RERE: variants seen among roughly 807,000 people sequenced by gnomAD.
The protein encoded by RERE is arginine-glutamic acid dipeptide repeats protein.
Under a neutral mutation model 146.1 loss-of-function variants are expected in RERE, and 40 were observed. The observed-to-expected ratio is 0.27, with a 90% CI of 0.21 to 0.36. The LOEUF is 0.36. RERE is among the 10% of genes least tolerant of loss of function. RERE has a pLI of 1.00. For missense variants in RERE, 1,933 were observed against 2,138.7 expected (o/e 0.90, Z 1.90); for synonymous variants, 1,003 against 866.0 (o/e 1.16, Z -2.78).
At chr1:8,498,563 G>A (rs2124248169) in intron 8 of RERE, among the ~76,000 whole-genome samples, 1 of 151,072 alleles carries the variant, frequency 6.6e-6, no homozygotes, top group Non-Finnish European at 1.5e-5. Context: ...AGGCGTGGTG[G>A]TATGTGCCTG....
chr1:8,787,606 G>A (rs1405484835), intron 1 of RERE, among the ~76,000 whole-genome samples: 2 of 151,936 alleles, frequency 1.3e-5, no homozygotes, highest in South Asian at 2.1e-4. Flanking sequence ...CAAGGCAGGC[G>A]GATCACCTGA....
chr1:8,572,070 C>A (rs1369617186), intron 4 of RERE, among the ~76,000 whole-genome samples: 1 of 152,056 alleles, frequency 6.6e-6, no homozygotes, highest in Non-Finnish European at 1.5e-5. Flanking sequence ...CATCTTTTTT[C>A]AAAAACAAGT....
intron 1 of RERE, among the ~76,000 whole-genome samples, chr1:8,674,671 T>C (rs578091584): frequency 3.9e-5 from 6 of 152,360 alleles, no homozygotes; most frequent in East Asian, 1.9e-4. Context: ...TAAAGTCAAG[T>C]GCCCCAATGT....
chr1:8,533,292 G>T (rs907229835), intron 7 of RERE, among the ~76,000 whole-genome samples: 2 of 152,178 alleles, frequency 1.3e-5, no homozygotes, highest in South Asian at 2.1e-4. Context: ...GCTTACATGA[G>T]AGAGAAATGA....
chr1:8,415,146 T>TA (rs1643726211), intron 12 of RERE, among the ~76,000 whole-genome samples: 1 of 152,198 alleles, frequency 6.6e-6, no homozygotes, highest in Non-Finnish European at 1.5e-5. Flanking sequence ...GAATAGATCT[T>TA]ACAAGGCTAA....
chr1:8,455,007 C>G (rs1460429254), intron 11 of RERE, among the ~76,000 whole-genome samples: 1 of 151,966 alleles, frequency 6.6e-6, no homozygotes, highest in Admixed American at 6.6e-5. Flanking sequence ...CCAACCCACC[C>G]CAAAAATGAG....
Position 8,803,311 on chromosome 1 carries a change from T to C in RERE, c.-145+13849A>G, listed in dbSNP as rs566700113. 2.6e-3 allele frequency among the ~76,000 whole-genome samples: 388 copies of C among 151,740 alleles called. 3 individuals carry two copies. Among genetic ancestry groups the C allele is most frequent in the African/African-American group, 8.9e-3 (369 of 41,374 alleles). On this transcript the variant is annotated intron_variant, in intron 1 of 22. Coordinates refer to ENST00000400908, the MANE Select transcript of RERE (RefSeq NM_001042681.2). Reference sequence around the variant, plus strand: ...GGTGGAACCCCATCTCTACTAAAAATACAAAAATCAGCTGGGCATGGTGGC... The same window carrying C: ...GGTGGAACCCCATCTCTACTAAAAACACAAAAATCAGCTGGGCATGGTGGC...
At chr1:8,677,062 C>G (rs987740216) in intron 1 of RERE, among the ~76,000 whole-genome samples, 1 of 152,180 alleles carries the variant, frequency 6.6e-6, no homozygotes. Flanking sequence ...TTCACCTTTG[C>G]TCATGCGTCC....
At chr1:8,729,119 G>A (rs558702803) in intron 1 of RERE, among the ~76,000 whole-genome samples, 14 of 151,586 alleles carry the variant, frequency 9.2e-5, no homozygotes, top group Admixed American at 8.5e-4. Context: ...AGCTGAGATC[G>A]TGCCACACCA....
intron 4 of RERE, among the ~76,000 whole-genome samples, chr1:8,605,745 C>CAAAAAAAAAAAAAAAAAAAAAAAAA (rs564574812): frequency 3.1e-5 from 2 of 64,518 alleles, no homozygotes; most frequent in African/African-American, 1.2e-4. Flanking sequence ...ACCCCATCTC[C>CAAAAAAAAAAAAAAAAAAAAAAAAA]AAAAAAAAAA....
rs1345805320 is a variant in RERE, at chr1:8,520,753, TTAAAAAAAAAAAA to T, written c.831-12091_831-12079del. Among the ~76,000 whole-genome samples the T allele has an allele frequency of 5.1e-5, 4 of 78,166 alleles. No individual in the cohort carries two copies. In the Admixed American group the frequency reaches 7.1e-4, roughly 14 times the overall value. The allele number at this position is 78,166 out of a possible 152,430, so 51.3% of individuals were successfully genotyped here. On this transcript the variant is annotated intron_variant, in intron 7 of 22. Coordinates refer to ENST00000400908, the MANE Select transcript of RERE (RefSeq NM_001042681.2). ...CATGGAGATTCAGCCAAAAAACTTT[TTAAAAAAAAAAAA>T]AAAAAAAAAACCACTATGACCGAAA...
intron 1 of RERE, among the ~76,000 whole-genome samples, chr1:8,809,147 A>AT (rs1276101968): frequency 2.7e-5 from 4 of 150,826 alleles, no homozygotes; most frequent in African/African-American, 9.8e-5. Flanking sequence ...TAAAAAAAAA[A>AT]AAAAAAAAAA....
At chr1:8,704,102 T>C (rs557229752) in intron 1 of RERE, among the ~76,000 whole-genome samples, 9 of 152,306 alleles carry the variant, frequency 5.9e-5, no homozygotes, top group Non-Finnish European at 1.0e-4. Context: ...GCTACCAGAT[T>C]CCAAACTCCC....
rs745870931 is a variant in RERE, at chr1:8,359,894, C to G, written c.3488G>C (p.Arg1163Thr). 1 of 1,613,342 alleles carries G rather than the reference C, an allele frequency of 6.2e-7. No individual in the cohort carries two copies. Among genetic ancestry groups the G allele is most frequent in the Admixed American group, 1.7e-5 (1 of 60,030 alleles). ...PLAGSKLAKK[R>T]EEAIEKAKRE... ...CTTGGCCTTCTCAATGGCCTCCTCC[C>G]TCTTCTTGGCCAGCTTGGACCCGGC... The change falls in exon 19 of 23, where the codon AGG (arginine) becomes ACG (threonine). Residue 1163 changes from arginine to threonine, a missense_variant. Around this residue, in one of 11 missense-constraint regions of RERE, gnomAD observed 1,255 missense variants for 1,153.8 expected, o/e 1.09. Coordinates refer to ENST00000400908, the MANE Select transcript of RERE (RefSeq NM_001042681.2).
chr1:8,450,382 G>T (rs770222402), intron 11 of RERE, among the ~76,000 whole-genome samples: 1 of 149,764 alleles, frequency 6.7e-6, no homozygotes, highest in Non-Finnish European at 1.5e-5. Context: ...CAGCAGAGCT[G>T]CGTGTGGAGG....
chr1:8,517,836 T>C (rs1645440253), intron 7 of RERE, among the ~76,000 whole-genome samples: 2 of 152,178 alleles, frequency 1.3e-5, no homozygotes, highest in Non-Finnish European at 2.9e-5. Flanking sequence ...CCTGTTACCA[T>C]GGAAACGTTT....
In RERE at chr1:8,358,584, C is replaced by A. The variant is rs11121172; in HGVS notation, c.3951G>T (p.Arg1317=). The A allele has an allele frequency of 0.69, 1,101,631 of 1,600,112 alleles. 383,101 individuals carry two copies. Among genetic ancestry groups the A allele is most frequent in the East Asian group, 0.88 (39,343 of 44,702 alleles). Residue 1317 remains arginine, a synonymous_variant, in exon 20 of 23, where the codon CGG becomes CGT. Transcript: ENST00000400908. ...REIREREIRE[R]ELRERMKPGF... is the part of the protein sequence containing the mutation. ...CCGGCTTCATCCTCTCCCGCAGCTC[C>A]CGCTCTCGGATCTCCCGCTCTCGGA...
intron 1 of RERE, among the ~76,000 whole-genome samples, chr1:8,809,506 G>C (rs867158798): frequency 6.6e-6 from 1 of 152,188 alleles, no homozygotes; most frequent in South Asian, 2.1e-4. Flanking sequence ...CCAGGGAACA[G>C]ACAGTTGTGA....
chr1:8,678,925 A>C (rs1390261022), intron 1 of RERE, among the ~76,000 whole-genome samples: 1 of 152,218 alleles, frequency 6.6e-6, no homozygotes, highest in East Asian at 1.9e-4. Context: ...CATGCTGTCC[A>C]GTATAGTAGT....
Sources: allele counts gnomAD v4.1 joint callset (sites outside exome capture counted in the v4.1 genomes callset), GRCh38; gene constraint gnomAD v4.1.1; regional missense constraint gnomAD v4.1.1; transcripts MANE v1.5; gene names NCBI Gene and HGNC (gene_info 2026-07-23, HGNC 2026-07-21).